Variants in RERE observed in about 807,000 individuals in gnomAD.
RERE encodes arginine-glutamic acid dipeptide repeats.
RERE carries 40 observed loss-of-function variants against 146.1 expected under a neutral mutation model. That is an observed-to-expected ratio of 0.27 (90% CI 0.21 to 0.36). The LOEUF (loss-of-function observed/expected upper bound fraction) is 0.36, where lower values mean the gene tolerates loss of function less well. Ranked by LOEUF, RERE falls within the 10% of genes least tolerant of loss-of-function variation. The pLI is 1.00. For synonymous variants in RERE, 1,003 were observed against 866.0 expected (o/e 1.16, Z -2.78); for missense variants, 1,933 against 2,138.7 (o/e 0.90, Z 1.90).
intron 2 of RERE, among the ~76,000 whole-genome samples, chr1:8,655,056 C>CTA (rs201623330): frequency 0.013 from 2,023 of 152,204 alleles, 46 homozygotes; most frequent in African/African-American, 0.047. Context: ...TTGAGCAATG[C>CTA]TATAAGCCAC....
intron 1 of RERE, among the ~76,000 whole-genome samples, chr1:8,693,580 G>A (rs1023414461): frequency 6.6e-6 from 1 of 152,148 alleles, no homozygotes; most frequent in Admixed American, 6.6e-5. Context: ...GTGGCCAGGG[G>A]CTTGGGGGCA....
chr1:8,562,209 G>GT (rs1481327067), intron 4 of RERE, among the ~76,000 whole-genome samples: 1 of 152,160 alleles, frequency 6.6e-6, no homozygotes, highest in African/African-American at 2.4e-5. Context: ...AATTATGTTA[G>GT]TAATAGTGTC....
chr1:8,489,974 C>T (rs969841849), intron 10 of RERE, among the ~76,000 whole-genome samples: 10 of 151,054 alleles, frequency 6.6e-5, no homozygotes, highest in South Asian at 6.3e-4. Context: ...GGCGTGAACC[C>T]GGGAGGCAGA....
At chr1:8,756,052 TGA>T (rs1640633631) in intron 1 of RERE, among the ~76,000 whole-genome samples, 1 of 152,136 alleles carries the variant, frequency 6.6e-6, no homozygotes. Flanking sequence ...CCCAGCACTT[TGA>T]GAGGCCAATG....
intron 6 of RERE, among the ~76,000 whole-genome samples, chr1:8,549,110 T>C (rs1218681789): frequency 6.6e-6 from 1 of 152,246 alleles, no homozygotes; most frequent in African/African-American, 2.4e-5. Context: ...CTCTGCCTGC[T>C]AACTGGATCT....
chr1:8,774,347 ATTTTT>A (rs34859762), intron 1 of RERE, among the ~76,000 whole-genome samples: 8 of 93,174 alleles, frequency 8.6e-5, no homozygotes, highest in African/African-American at 2.0e-4. Flanking sequence ...TTGGCAAACT[ATTTTT>A]TTTTTTTTTT....
At chr1:8,378,397 TG>T (rs1642334777) in intron 12 of RERE, among the ~76,000 whole-genome samples, 2 of 152,232 alleles carry the variant, frequency 1.3e-5, no homozygotes, top group Admixed American at 1.3e-4. Context: ...GCAACTGTAT[TG>T]GCTGAACTGT....
intron 12 of RERE, among the ~76,000 whole-genome samples, chr1:8,383,006 C>T (rs976419340): frequency 2.3e-5 from 2 of 88,534 alleles, no homozygotes; most frequent in Non-Finnish European, 4.6e-5. Context: ...TTTTAATTGA[C>T]TAAGTTAAAA....
intron 1 of RERE, among the ~76,000 whole-genome samples, chr1:8,754,640 G>A (rs569416065): frequency 1.3e-5 from 2 of 152,236 alleles, no homozygotes; most frequent in South Asian, 4.2e-4. Flanking sequence ...TCACTCATGG[G>A]GAAAGAATCT....
chr1:8,715,774 C>T (rs543742669), intron 1 of RERE, among the ~76,000 whole-genome samples: 48 of 151,862 alleles, frequency 3.2e-4, no homozygotes, highest in Non-Finnish European at 6.0e-4. Context: ...TGTAGTGGTG[C>T]GTGCCTATAA....
At chr1:8,685,379 G>C (rs939104894) in intron 1 of RERE, among the ~76,000 whole-genome samples, 1 of 142,308 alleles carries the variant, frequency 7.0e-6, no homozygotes, top group African/African-American at 2.6e-5. Flanking sequence ...ATATTTCCAA[G>C]TATTAAAACA....
intron 1 of RERE, among the ~76,000 whole-genome samples, chr1:8,660,521 G>A (rs554792496): frequency 2.0e-5 from 3 of 152,226 alleles, no homozygotes; most frequent in Non-Finnish European, 2.9e-5. Context: ...ACTCAGAAGA[G>A]ATCATCTGCA....
chr1:8,415,828 G>A (rs569626661), intron 12 of RERE, among the ~76,000 whole-genome samples: 1 of 152,348 alleles, frequency 6.6e-6, no homozygotes, highest in South Asian at 2.1e-4. Flanking sequence ...CACAGGAATA[G>A]CTATAGGATC....
At chr1:8,588,959 A>G (rs1646459835) in intron 4 of RERE, among the ~76,000 whole-genome samples, 1 of 151,718 alleles carries the variant, frequency 6.6e-6, no homozygotes, top group Admixed American at 6.5e-5. Context: ...CCCCATCTCT[A>G]CTAAAAATAC....
chr1:8,786,942 A>G (rs1353013443), intron 1 of RERE: 1 of 696,686 alleles, frequency 1.4e-6, no homozygotes, highest in Admixed American at 2.2e-5. Flanking sequence ...CCATGGTTCC[A>G]GCTGGTAAAG....
chr1:8,708,041 G>C (rs1161443348), intron 1 of RERE, among the ~76,000 whole-genome samples: 1 of 152,100 alleles, frequency 6.6e-6, no homozygotes. Flanking sequence ...AGTAAAAACA[G>C]GGTTCAGTAT....
At chr1:8,809,422 CA>C (rs1378096519) in intron 1 of RERE, among the ~76,000 whole-genome samples, 1 of 152,096 alleles carries the variant, frequency 6.6e-6, no homozygotes, top group Non-Finnish European at 1.5e-5. Flanking sequence ...AGTCCTTAGG[CA>C]GGAATGCAAC....
chr1:8,500,007 C>A (rs1169734557), intron 8 of RERE, among the ~76,000 whole-genome samples: 1 of 152,206 alleles, frequency 6.6e-6, no homozygotes, highest in Non-Finnish European at 1.5e-5. Context: ...ATAGTGCCAG[C>A]TACTTGGGAG....
At chr1:8,773,189 G>T (rs1264994909) in intron 1 of RERE, among the ~76,000 whole-genome samples, 1 of 152,148 alleles carries the variant, frequency 6.6e-6, no homozygotes, top group Non-Finnish European at 1.5e-5. Context: ...AATTACCAAA[G>T]AAAGTTTTTG....
Sources: allele counts gnomAD v4.1 joint callset (sites outside exome capture counted in the v4.1 genomes callset), GRCh38; gene constraint gnomAD v4.1.1; transcripts MANE v1.5; gene names NCBI Gene and HGNC (gene_info 2026-07-23, HGNC 2026-07-21).